CNTN5: variants seen among roughly 807,000 people sequenced by gnomAD.
The protein encoded by CNTN5 is contactin 5.
CNTN5 carries 77 observed loss-of-function variants against 129.1 expected under a neutral mutation model. The observed-to-expected ratio is 0.60, with a 90% CI of 0.50 to 0.72. The LOEUF (loss-of-function observed/expected upper bound fraction) is 0.72, where lower values mean the gene tolerates loss of function less well. CNTN5 is among the 30% of genes least tolerant of loss of function. The probability of loss-of-function intolerance (pLI) is 0.00; values close to 1 mark genes in which losing one functional copy is unlikely to be tolerated. For missense variants in CNTN5, 1,478 were observed against 1,328.8 expected (o/e 1.11, Z -1.75); for synonymous variants, 509 against 465.6 (o/e 1.09, Z -1.20).
intron 1 of CNTN5, among the ~76,000 whole-genome samples, chr11:99,313,110 GT>G (rs11335927): frequency 0.049 from 6,945 of 142,880 alleles, 377 homozygotes; most frequent in East Asian, 0.24. Flanking sequence ...AAGATTTGAA[GT>G]TTTTTTTTTT....
At chr11:99,121,302 T>C (rs1391237075) in intron 1 of CNTN5, among the ~76,000 whole-genome samples, 1 of 152,064 alleles carries the variant, frequency 6.6e-6, no homozygotes, top group African/African-American at 2.4e-5. Context: ...GCCCAGCTAA[T>C]TTTTGTATTT....
At chr11:99,173,458 T>C (rs1857625709) in intron 1 of CNTN5, among the ~76,000 whole-genome samples, 1 of 152,210 alleles carries the variant, frequency 6.6e-6, no homozygotes, top group Non-Finnish European at 1.5e-5. Flanking sequence ...CCACAATATT[T>C]CTTACTAGAT....
At chr11:100,039,802 C>A (rs1942265208) in intron 9 of CNTN5, among the ~76,000 whole-genome samples, 1 of 152,182 alleles carries the variant, frequency 6.6e-6, no homozygotes, top group Non-Finnish European at 1.5e-5. Flanking sequence ...GCTCTCATGC[C>A]TTGGTTTTCA....
chr11:99,436,855 A>T (rs1223068879), intron 2 of CNTN5, among the ~76,000 whole-genome samples: 21 of 152,158 alleles, frequency 1.4e-4, no homozygotes, highest in Non-Finnish European at 1.5e-5. Context: ...ACATCGAGAT[A>T]TTTGAGTACC....
At chr11:99,992,005 T>A (rs760916326) in intron 8 of CNTN5, among the ~76,000 whole-genome samples, 5 of 152,166 alleles carry the variant, frequency 3.3e-5, no homozygotes, top group Non-Finnish European at 5.9e-5. Context: ...AGAAGAAACA[T>A]GTCTCAAACG....
At chr11:99,756,021 C>T (rs1040968142) in intron 3 of CNTN5, among the ~76,000 whole-genome samples, 1 of 152,036 alleles carries the variant, frequency 6.6e-6, no homozygotes, top group African/African-American at 2.4e-5. Context: ...TCCTTGCATA[C>T]ATTTAACTGG....
intron 9 of CNTN5, among the ~76,000 whole-genome samples, chr11:100,031,928 G>T (rs1227961288): frequency 6.6e-6 from 1 of 151,394 alleles, no homozygotes; most frequent in South Asian, 2.1e-4. Context: ...GGCACCACGG[G>T]ACCAGAAGGT....
intron 3 of CNTN5, among the ~76,000 whole-genome samples, chr11:99,602,324 T>C (rs1038197150): frequency 2.6e-5 from 4 of 152,098 alleles, no homozygotes; most frequent in Non-Finnish European, 5.9e-5. Context: ...AGAATAGAAA[T>C]AGATTTAGTT....
At chr11:99,864,552 G>C (rs761128878) in intron 6 of CNTN5, among the ~76,000 whole-genome samples, 1 of 152,100 alleles carries the variant, frequency 6.6e-6, no homozygotes, top group Non-Finnish European at 1.5e-5. Flanking sequence ...TTAGGGTCTT[G>C]TTTTCTCAGC....
intron 3 of CNTN5, among the ~76,000 whole-genome samples, chr11:99,653,043 GAAAA>G (rs998803400): frequency 2.6e-4 from 39 of 151,888 alleles, no homozygotes; most frequent in African/African-American, 8.7e-4. Flanking sequence ...GAAAGACAAA[GAAAA>G]AACAATTGTT....
intron 14 of CNTN5, among the ~76,000 whole-genome samples, chr11:100,191,878 T>C (rs1433186421): frequency 6.6e-6 from 1 of 152,062 alleles, no homozygotes; most frequent in Non-Finnish European, 1.5e-5. Context: ...CATTGTTTAG[T>C]GACAGAAAAC....
intron 13 of CNTN5, among the ~76,000 whole-genome samples, chr11:100,183,635 G>A (rs1204306052): frequency 2.6e-5 from 4 of 152,040 alleles, no homozygotes; most frequent in African/African-American, 7.2e-5. Context: ...AGGGGCTGGG[G>A]GAATGCAAGG....
intron 7 of CNTN5, among the ~76,000 whole-genome samples, chr11:99,936,206 A>G (rs561359851): frequency 1.1e-4 from 16 of 152,316 alleles, no homozygotes; most frequent in African/African-American, 3.8e-4. Flanking sequence ...TTTTTTACCT[A>G]AAGATACTAA....
chr11:99,936,328 C>A (rs1308337394), intron 7 of CNTN5, among the ~76,000 whole-genome samples: 1 of 152,140 alleles, frequency 6.6e-6, no homozygotes. Context: ...CTGTTGTTTG[C>A]GTTTAGTAAA....
intron 8 of CNTN5, among the ~76,000 whole-genome samples, chr11:99,983,223 A>C (rs1938463156): frequency 6.6e-6 from 1 of 152,224 alleles, no homozygotes; most frequent in Non-Finnish European, 1.5e-5. Flanking sequence ...GATGAATTTG[A>C]GTATGGTTTT....
intron 15 of CNTN5, among the ~76,000 whole-genome samples, chr11:100,216,394 A>T (rs2138603352): frequency 6.6e-6 from 1 of 152,310 alleles, no homozygotes; most frequent in South Asian, 2.1e-4. Context: ...ATGACAAAAC[A>T]ATCTCTAAAT....
chr11:99,885,510 TA>T (rs1350273322), intron 6 of CNTN5, among the ~76,000 whole-genome samples: 1 of 152,082 alleles, frequency 6.6e-6, no homozygotes, highest in Non-Finnish European at 1.5e-5. Flanking sequence ...AAATTGTAAA[TA>T]AGCAAAACTG....
At chr11:99,542,291 C>G (rs576064504) in intron 2 of CNTN5, among the ~76,000 whole-genome samples, 13 of 152,124 alleles carry the variant, frequency 8.5e-5, no homozygotes, top group Admixed American at 2.6e-4. Flanking sequence ...TAACTTTGTA[C>G]CCAGTAACCA....
intron 7 of CNTN5, among the ~76,000 whole-genome samples, chr11:99,934,898 GTA>G (rs200635742): frequency 1.5e-3 from 99 of 67,892 alleles, no homozygotes; most frequent in East Asian, 9.2e-3. Context: ...GTGTGTGTGT[GTA>G]TATATATATA....
Sources: allele counts gnomAD v4.1 joint callset (sites outside exome capture counted in the v4.1 genomes callset), GRCh38; gene constraint gnomAD v4.1.1; transcripts MANE v1.5; gene names NCBI Gene and HGNC (gene_info 2026-07-23, HGNC 2026-07-21).